The following MYO6 variants were observed in gnomAD, a reference collection of about 807,000 sequenced individuals.
The protein encoded by MYO6 is myosin VI, also known as unconventional myosin-VI.
Under a neutral mutation model 178.7 loss-of-function variants are expected in MYO6, and 74 were observed. The ratio of observed to expected loss-of-function variants is 0.41; its 90% CI spans 0.34 to 0.50. The LOEUF is 0.50. Among genes scored for constraint, MYO6 ranks in the 20% least tolerant of loss-of-function variants. MYO6 has a pLI of 0.09. For synonymous variants in MYO6, 477 were observed against 504.6 expected (o/e 0.95, Z 0.73); for missense variants, 1,330 against 1,547.4 (o/e 0.86, Z 2.36).
In MYO6 at chr6:75,869,182, T is replaced by C. The variant is rs1776940724; in HGVS notation, c.1945-1465T>C. 2.6e-5 allele frequency among the ~76,000 whole-genome samples: 4 copies of C among 151,916 alleles called. No individual in the cohort carries two copies. The South Asian group carries it at 8.3e-4, about 32-fold the overall frequency. ...TTCCAAATTAGTCACTTTAATACTT[T>C]TCAGGCATGGTGGTTCAGATTGATT... is the stretch of plus-strand genomic sequence containing the variant. On this transcript the variant is annotated intron_variant, in intron 18 of 34. Transcript: ENST00000369977.
intron 1 of MYO6, among the ~76,000 whole-genome samples, chr6:75,765,883 T>C (rs941847674): frequency 3.2e-4 from 49 of 152,060 alleles, no homozygotes; most frequent in Admixed American, 6.6e-4. Flanking sequence ...AAAGGTTAGC[T>C]GGGCGTGGTA....
intron 16 of MYO6, among the ~76,000 whole-genome samples, chr6:75,866,275 CTGTGTGTGTGTGTGTGTG>C (rs10687890): frequency 8.4e-6 from 1 of 119,138 alleles, no homozygotes; most frequent in African/African-American, 2.8e-5. Flanking sequence ...GTCTCTGTCT[CTGTGTGTGTGTGTGTGTG>C]TGTGTGTGTG....
chr6:75,912,729 G>A (rs543513850), intron 33 of MYO6, among the ~76,000 whole-genome samples: 1 of 152,072 alleles, frequency 6.6e-6, no homozygotes, highest in African/African-American at 2.4e-5. Context: ...TTTCAACAAT[G>A]TAGGGAGTTT....
chr6:75,912,457 G>A (rs1780829453), intron 33 of MYO6, among the ~76,000 whole-genome samples: 1 of 152,026 alleles, frequency 6.6e-6, no homozygotes, highest in South Asian at 2.1e-4. Flanking sequence ...TGTTTTTCCA[G>A]ATAAGTATTC....
chr6:75,778,263 T>G (rs1448939083), intron 1 of MYO6, among the ~76,000 whole-genome samples: 1 of 152,172 alleles, frequency 6.6e-6, no homozygotes, highest in East Asian at 1.9e-4. Context: ...ATATATGTCT[T>G]GTATTGGCTT....
chr6:75,867,955 A>G (rs527273380), intron 18 of MYO6, among the ~76,000 whole-genome samples: 4 of 152,144 alleles, frequency 2.6e-5, no homozygotes, highest in Non-Finnish European at 4.4e-5. Context: ...ATACGAGAGA[A>G]TTAATTTCTT....
At position 75,873,275 on chromosome 6, in the gene MYO6, A is replaced by G; in HGVS notation, c.2052A>G (p.Gln684=). 1.2e-6 allele frequency: 2 copies of G among 1,613,830 alleles called. No individual in the cohort carries two copies. Among genetic ancestry groups the G allele is most frequent in the Non-Finnish European group, 1.7e-6 (2 of 1,179,762 alleles). ...KMTSHHFEGA[Q]ILSQLQCSGM... ...CAAGCCACCACTTTGAAGGTGCTCAAATTCTGTCTCAGCTTCAGTGTTCAG... is the reference window on the plus strand; with the variant it reads ...CAAGCCACCACTTTGAAGGTGCTCAGATTCTGTCTCAGCTTCAGTGTTCAG... Residue 684 remains glutamine, a synonymous_variant, in exon 20 of 35, where the codon CAA becomes CAG. Transcript: ENST00000369977.
At position 75,787,198 on chromosome 6, in the gene MYO6, A is replaced by G. The variant is rs887349778; in HGVS notation, c.-47-30303A>G. On this transcript the variant is annotated intron_variant, in intron 1 of 34. Transcript: ENST00000369977. ...TAAATGCTAGCAAGGATGTCGAACA[A>G]TGGGAACTCTCATATGTTGCTTACC... 2.6e-5 allele frequency among the ~76,000 whole-genome samples: 4 copies of G among 152,178 alleles called. 1 individual carries two copies. In the South Asian group the frequency reaches 8.3e-4, roughly 31 times the overall value.
chr6:75,892,435 G>A (rs1778970836), intron 27 of MYO6, 95 bp from the exon 28 acceptor site: 2 of 1,503,274 alleles, frequency 1.3e-6, no homozygotes, highest in Middle Eastern at 2.1e-4. Flanking sequence ...CTTGTATGGG[G>A]GCAGTTATGC....
At chr6:75,849,870 GACGGGAATTT>G (rs1775095265) in intron 11 of MYO6, among the ~76,000 whole-genome samples, 1 of 152,166 alleles carries the variant, frequency 6.6e-6, no homozygotes, top group Admixed American at 6.5e-5. Flanking sequence ...TGGCAAAGGA[GACGGGAATTT>G]ACGGGACTTT....
intron 6 of MYO6, 97 bp from the exon 7 acceptor site, chr6:75,835,801 AATG>A (rs887923590): frequency 2.8e-6 from 2 of 720,260 alleles, no homozygotes; most frequent in African/African-American, 3.6e-5. Context: ...CATTTGTTAT[AATG>A]ATGATCTAGG....
At chr6:75,806,942 T>C (rs1348447148) in intron 1 of MYO6, among the ~76,000 whole-genome samples, 1 of 152,160 alleles carries the variant, frequency 6.6e-6, no homozygotes, top group Non-Finnish European at 1.5e-5. Flanking sequence ...TTAATTCCTC[T>C]AGTGCCACTG....
chr6:75,909,649 A>G (rs1310136925), intron 32 of MYO6, among the ~76,000 whole-genome samples: 5 of 152,226 alleles, frequency 3.3e-5, no homozygotes, highest in African/African-American at 1.2e-4. Context: ...TGTAATTTCA[A>G]TCTTTAAAGC....
intron 5 of MYO6, among the ~76,000 whole-genome samples, chr6:75,832,627 A>G (rs917321698): frequency 6.6e-6 from 1 of 152,208 alleles, no homozygotes; most frequent in East Asian, 1.9e-4. Flanking sequence ...TTTGGATTTC[A>G]TATTACTTAA....
At chr6:75,822,296 C>G (rs1771967812) in intron 2 of MYO6, among the ~76,000 whole-genome samples, 1 of 152,012 alleles carries the variant, frequency 6.6e-6, no homozygotes, top group Non-Finnish European at 1.5e-5. Context: ...CGGAGTTCTA[C>G]CATGTTGGCC....
At chr6:75,764,185 T>C (rs1778196339) in intron 1 of MYO6, among the ~76,000 whole-genome samples, 1 of 152,162 alleles carries the variant, frequency 6.6e-6, no homozygotes, top group South Asian at 2.1e-4. Context: ...GCTGGGATTA[T>C]GGATGCGGGC....
intron 9 of MYO6, 83 bp from the exon 10 acceptor site, chr6:75,844,814 A>C (rs1774571753): frequency 5.6e-6 from 6 of 1,073,716 alleles, no homozygotes; most frequent in African/African-American, 1.6e-5. Context: ...CATGGTTGGC[A>C]CTATTTGGTA....
intron 1 of MYO6, among the ~76,000 whole-genome samples, chr6:75,769,480 C>G (rs116333579): frequency 0.023 from 3,547 of 152,310 alleles, 129 homozygotes; most frequent in African/African-American, 0.081. Context: ...CCCAACAGGG[C>G]AGTCATTAAA....
chr6:75,873,329 T>G (rs1320085404), intron 20 of MYO6, 29 bp downstream of exon 20: 1 of 1,486,602 alleles, frequency 6.7e-7, no homozygotes, highest in Non-Finnish European at 9.4e-7. Flanking sequence ...TCAGTGTGTG[T>G]TAGTAGTCAT....
Sources: allele counts gnomAD v4.1 joint callset (sites outside exome capture counted in the v4.1 genomes callset), GRCh38; gene constraint gnomAD v4.1.1; transcripts MANE v1.5; gene names NCBI Gene and HGNC (gene_info 2026-07-23, HGNC 2026-07-21).